WDR70: variants seen among roughly 807,000 people sequenced by gnomAD.
The protein encoded by WDR70 is WD repeat-containing protein 70.
In WDR70, 53 loss-of-function variants were observed where a neutral mutation model predicts 88.6. That is an observed-to-expected ratio of 0.60 (90% confidence interval 0.48 to 0.75). The LOEUF is 0.75. Ranked by LOEUF, WDR70 falls within the 30% of genes least tolerant of loss-of-function variation. The probability of loss-of-function intolerance (pLI) is 0.00; values close to 1 mark genes in which losing one functional copy is unlikely to be tolerated. For synonymous variants in WDR70, 280 were observed against 270.0 expected, an observed-to-expected ratio of 1.04 and a Z score of -0.36; for missense variants, 610 against 823.2, an observed-to-expected ratio of 0.74 and a Z score of 3.17.
At position 37,522,370 on chromosome 5, in the gene WDR70, C is replaced by G. The variant is rs1376881865; in HGVS notation, c.917+5780C>G. On this transcript the variant is annotated intron_variant, in intron 9 of 17. Transcript: ENST00000265107. ...CCTATAGTCCCAGCTACCTGTGAGGCTGAGGCAGAAGAATCACTTGAACCC... is the reference window on the plus strand; with the variant it reads ...CCTATAGTCCCAGCTACCTGTGAGGGTGAGGCAGAAGAATCACTTGAACCC... 2.0e-5 allele frequency among the ~76,000 whole-genome samples: 3 copies of G among 149,360 alleles called. No homozygotes were observed. In the Admixed American group the frequency reaches 2.0e-4, roughly 10 times the overall value.
At chr5:37,506,007 T>C in intron 8 of WDR70, 12 of 1,580,650 alleles carry the variant, frequency 7.6e-6, no homozygotes, top group Non-Finnish European at 9.6e-6. Context: ...TCCTTCTGCA[T>C]TAGAACAGAG....
At chr5:37,381,349 A>C (rs1748417558) in intron 2 of WDR70, among the ~76,000 whole-genome samples, 1 of 152,116 alleles carries the variant, frequency 6.6e-6, no homozygotes, top group South Asian at 2.1e-4. Context: ...GCCTCCCCAC[A>C]TCAGTGTTGT....
At chr5:37,506,614 C>G (rs1200934609) in intron 8 of WDR70, 10 of 776,782 alleles carry the variant, frequency 1.3e-5, no homozygotes. Context: ...CCTAACAATC[C>G]TTCAGGAGGC....
intron 7 of WDR70, among the ~76,000 whole-genome samples, chr5:37,473,151 T>G (rs1177782302): frequency 6.6e-6 from 1 of 150,850 alleles, no homozygotes; most frequent in Non-Finnish European, 1.5e-5. Flanking sequence ...GTGAAGCACC[T>G]TTTAATGTTT....
intron 10 of WDR70, among the ~76,000 whole-genome samples, chr5:37,668,670 G>A (rs1745933819): frequency 6.6e-6 from 1 of 152,184 alleles, no homozygotes. Context: ...ATCATATTCT[G>A]CCTGTGACTC....
intron 9 of WDR70, among the ~76,000 whole-genome samples, chr5:37,557,918 C>A (rs1200363467): frequency 2.9e-5 from 4 of 135,814 alleles, no homozygotes; most frequent in African/African-American, 5.2e-5. Context: ...TTTGAAAACT[C>A]TTCAAAAGAG....
intron 3 of WDR70, among the ~76,000 whole-genome samples, chr5:37,388,783 A>C: frequency 6.8e-6 from 1 of 146,400 alleles, no homozygotes. Context: ...AAGAGGGAGG[A>C]CTGGCATGGT....
chr5:37,587,350 T>TC (rs1561912662), intron 9 of WDR70, among the ~76,000 whole-genome samples: 1 of 151,414 alleles, frequency 6.6e-6, no homozygotes, highest in Non-Finnish European at 1.5e-5. Flanking sequence ...TACTTTTTTT[T>TC]CCCTATATAG....
intron 2 of WDR70, 95 bp downstream of exon 2, chr5:37,379,649 A>G: frequency 5.2e-6 from 7 of 1,350,184 alleles, no homozygotes; most frequent in Non-Finnish European, 7.4e-6. Context: ...ACTCGGAATT[A>G]TTGTAGCTCG....
Position 37,504,623 on chromosome 5 carries a change from A to C in WDR70, c.841-11891A>C, listed in dbSNP as rs558731110. On this transcript the variant is annotated intron_variant, in intron 8 of 17. Coordinates refer to ENST00000265107, the MANE Select transcript of WDR70 (RefSeq NM_018034.4). ...TCTGTCTTGGTAAAAGTAATAAAGC[A>C]AAGAAAATAATTCATTTCTGAAGTT... 4.6e-5 allele frequency among the ~76,000 whole-genome samples: 7 copies of C among 152,388 alleles called. No homozygotes were observed. In the South Asian group the frequency reaches 1.2e-3, roughly 27 times the overall value.
Position 37,451,180 on chromosome 5 carries a change from G to A in WDR70, c.686+7808G>A, listed in dbSNP as rs546756534. Among the ~76,000 whole-genome samples, 379 of 152,280 alleles carry A rather than the reference G, an allele frequency of 2.5e-3. 2 individuals carry two copies. Among genetic ancestry groups the A allele is most frequent in the Middle Eastern group, 0.01 (3 of 292 alleles). On this transcript the variant is annotated intron_variant, in intron 7 of 17. Coordinates refer to ENST00000265107, the MANE Select transcript of WDR70 (RefSeq NM_018034.4). Reference sequence around the variant, plus strand: ...CCCAAAGTGCTGGGATTACAGACGTGAGCCATTGCCTCTGGCCTATTTTTT... The same window carrying A: ...CCCAAAGTGCTGGGATTACAGACGTAAGCCATTGCCTCTGGCCTATTTTTT...
At chr5:37,535,124 A>G (rs1029589708) in intron 9 of WDR70, among the ~76,000 whole-genome samples, 1 of 152,158 alleles carries the variant, frequency 6.6e-6, no homozygotes, top group East Asian at 1.9e-4. Flanking sequence ...TAGTTTCTCT[A>G]GTAGTAAGTG....
At chr5:37,687,254 G>A (rs570768295) in intron 10 of WDR70, among the ~76,000 whole-genome samples, 52 of 152,204 alleles carry the variant, frequency 3.4e-4, no homozygotes, top group Non-Finnish European at 5.7e-4. Context: ...TCTGGTTAAG[G>A]TGAAGTTAAT....
At chr5:37,546,848 G>A (rs1742014153) in intron 9 of WDR70, among the ~76,000 whole-genome samples, 2 of 151,884 alleles carry the variant, frequency 1.3e-5, no homozygotes, top group African/African-American at 4.8e-5. Context: ...AACCTGGGAG[G>A]CAGAGTTGCA....
intron 8 of WDR70, among the ~76,000 whole-genome samples, chr5:37,482,449 GC>G (rs1177501798): frequency 2.6e-5 from 4 of 152,160 alleles, no homozygotes; most frequent in Admixed American, 6.5e-5. Flanking sequence ...GAGAGCATGT[GC>G]AGGGGAACTC....
chr5:37,431,669 A>T (rs982069483), intron 5 of WDR70, among the ~76,000 whole-genome samples: 1 of 152,138 alleles, frequency 6.6e-6, no homozygotes, highest in African/African-American at 2.4e-5. Context: ...GAACTTTTTC[A>T]TTTTGCTAAC....
intron 7 of WDR70, among the ~76,000 whole-genome samples, chr5:37,457,861 T>C (rs1276414778): frequency 1.3e-5 from 2 of 152,110 alleles, no homozygotes; most frequent in African/African-American, 2.4e-5. Flanking sequence ...TCCAACACTA[T>C]GTTGAATAGG....
At chr5:37,555,736 T>C (rs1742276497) in intron 9 of WDR70, among the ~76,000 whole-genome samples, 1 of 152,026 alleles carries the variant, frequency 6.6e-6, no homozygotes, top group Non-Finnish European at 1.5e-5. Flanking sequence ...GTTTTGTTTT[T>C]GAGATGGAGT....
intron 9 of WDR70, among the ~76,000 whole-genome samples, chr5:37,517,200 T>C (rs530057187): frequency 6.6e-6 from 1 of 152,306 alleles, no homozygotes; most frequent in Non-Finnish European, 1.5e-5. Flanking sequence ...TATTACTTTG[T>C]ATAATAAAGG....
Sources: gnomAD v4.1 joint callset for allele counts (sites outside exome capture counted in the v4.1 genomes callset) on GRCh38, gnomAD v4.1.1 for gene constraint, MANE v1.5 for transcripts, NCBI Gene and HGNC (gene_info 2026-07-23, HGNC 2026-07-21) for gene names.